The following MREG variants were observed in gnomAD, a reference collection of about 807,000 sequenced individuals.
MREG encodes melanoregulin.
A neutral mutation model predicts 28.5 loss-of-function variants in MREG; 31 were observed. That is an observed-to-expected ratio of 1.09 (90% CI 0.82 to 1.47). MREG has a LOEUF of 1.47. MREG is among the 40% of genes most tolerant of loss of function. The pLI, the probability that MREG is intolerant of heterozygous loss-of-function variation, is 0.00. For missense variants in MREG, 256 were observed against 257.4 expected (o/e 0.99, Z 0.04); for synonymous variants, 106 against 95.2 (o/e 1.11, Z -0.66).
chr2:215,945,635 A>T lies in MREG; in HGVS notation c.446T>A (p.Leu149Gln). 1 of 1,614,012 alleles carries T rather than the reference A, an allele frequency of 6.2e-7. No homozygotes were observed. Among genetic ancestry groups the T allele is most frequent in the Admixed American group, 1.7e-5 (1 of 60,026 alleles). ...TGGGAAAATATTGGTTTCTTCAGCC[A>T]GTTTTAACAACATCTCTCGAGCTTT... is the stretch of plus-strand genomic sequence containing the variant. ...TRKAREMLLKLAEETNIFPTS... is the reference protein window; with the variant it reads ...TRKAREMLLKQAEETNIFPTS... The change falls in exon 4 of 5, where the codon CTG becomes CAG. Residue 149 changes from leucine (L) to glutamine (Q), a missense_variant. Leu to Gln is a moderately radical substitution (Grantham distance 113). Transcript: ENST00000263268.
intron 1 of MREG, among the ~76,000 whole-genome samples, chr2:216,010,908 A>G (rs1694287835): frequency 6.6e-6 from 1 of 151,074 alleles, no homozygotes; most frequent in Non-Finnish European, 1.5e-5. Context: ...CATCCTGGAT[A>G]ACACGGTGAA....
At chr2:215,979,991 C>CA (rs779400316) in intron 2 of MREG, among the ~76,000 whole-genome samples, 8,859 of 129,226 alleles carry the variant, frequency 0.069, 564 homozygotes, top group African/African-American at 0.18. Flanking sequence ...AAAAAAAAAA[C>CA]AAAAAAAACT....
At chr2:216,009,892 T>C (rs959798172) in intron 1 of MREG, among the ~76,000 whole-genome samples, 1 of 152,152 alleles carries the variant, frequency 6.6e-6, no homozygotes, top group Non-Finnish European at 1.5e-5. Context: ...AAGAAAGCCA[T>C]GCTGCAAAAG....
chr2:216,025,630 T>TA (rs2105931809), intron 1 of MREG, among the ~76,000 whole-genome samples: 1 of 152,350 alleles, frequency 6.6e-6, no homozygotes, highest in East Asian at 1.9e-4. Context: ...CAATCAGTCT[T>TA]TGGATGAGGC....
intron 2 of MREG, among the ~76,000 whole-genome samples, chr2:215,984,517 CCAA>C (rs1559186979): frequency 2.1e-5 from 1 of 47,504 alleles, no homozygotes; most frequent in African/African-American, 9.6e-5. Context: ...GACCTTGTCA[CCAA>C]AAAAAAAAAA....
intron 1 of MREG, among the ~76,000 whole-genome samples, chr2:216,026,745 C>CA (rs1279791790): frequency 1.3e-5 from 2 of 152,070 alleles, no homozygotes; most frequent in East Asian, 1.9e-4. Flanking sequence ...CACTCAAACA[C>CA]AAAAAATCTC....
intron 1 of MREG, among the ~76,000 whole-genome samples, chr2:215,997,926 A>G (rs1398004651): frequency 2.6e-5 from 4 of 152,224 alleles, no homozygotes; most frequent in Non-Finnish European, 5.9e-5. Flanking sequence ...ATTGGGGTTC[A>G]GCAGCAGGAA....
intron 1 of MREG, among the ~76,000 whole-genome samples, chr2:215,998,807 T>A (rs1428441529): frequency 6.6e-6 from 1 of 152,270 alleles, no homozygotes; most frequent in Non-Finnish European, 1.5e-5. Flanking sequence ...AATAAATGCC[T>A]GCTGTATACT....
intron 2 of MREG, among the ~76,000 whole-genome samples, chr2:215,973,413 A>G (rs957569256): frequency 6.6e-6 from 1 of 152,228 alleles, no homozygotes; most frequent in African/African-American, 2.4e-5. Context: ...ATTTTTGCAG[A>G]CTGCCGAGGC....
chr2:216,010,718 C>T (rs1425586824), intron 1 of MREG, among the ~76,000 whole-genome samples: 2 of 151,832 alleles, frequency 1.3e-5, no homozygotes, highest in African/African-American at 4.8e-5. Flanking sequence ...CCACAGAAAA[C>T]CAGTGATTAC....
intron 2 of MREG, among the ~76,000 whole-genome samples, chr2:215,976,943 C>T (rs983408757): frequency 6.6e-6 from 1 of 152,170 alleles, no homozygotes. Flanking sequence ...TTGTAAAGAC[C>T]AAGGATGCTA....
At chr2:215,981,864 C>T (rs1234441870) in intron 2 of MREG, among the ~76,000 whole-genome samples, 1 of 152,120 alleles carries the variant, frequency 6.6e-6, no homozygotes, top group East Asian at 1.9e-4. Context: ...CAGAGGTATG[C>T]TTCTTATCCT....
intron 1 of MREG, among the ~76,000 whole-genome samples, chr2:216,028,746 G>T (rs1222268339): frequency 6.6e-6 from 1 of 151,896 alleles, no homozygotes; most frequent in Non-Finnish European, 1.5e-5. Context: ...TAGTGTTAAG[G>T]TAATGCATAT....
chr2:216,002,852 C>G (rs1694053060), intron 1 of MREG, among the ~76,000 whole-genome samples: 1 of 120,506 alleles, frequency 8.3e-6, no homozygotes, highest in Admixed American at 9.0e-5. Context: ...CTCTCTCTTC[C>G]TCCCCTTTCT....
intron 1 of MREG, among the ~76,000 whole-genome samples, chr2:216,028,189 A>AT (rs1372042969): frequency 6.6e-6 from 1 of 152,178 alleles, no homozygotes; most frequent in Non-Finnish European, 1.5e-5. Context: ...GTTGCAAACC[A>AT]TTGAAAGAGA....
At chr2:215,954,445 AACACACACAC>A (rs3078454) in intron 2 of MREG, among the ~76,000 whole-genome samples, 16 of 136,524 alleles carry the variant, frequency 1.2e-4, no homozygotes, top group South Asian at 2.4e-4. Flanking sequence ...ATCTGTGTAC[AACACACACAC>A]ACACACACAC....
intron 1 of MREG, among the ~76,000 whole-genome samples, chr2:216,019,115 T>C (rs1285765833): frequency 5.9e-5 from 9 of 152,220 alleles, no homozygotes; most frequent in African/African-American, 1.9e-4. Flanking sequence ...CGAAACAAGA[T>C]CTATTATTCT....
chr2:216,015,640 T>C (rs1377571416), upstream of MREG, among the ~76,000 whole-genome samples: 2 of 151,934 alleles, frequency 1.3e-5, no homozygotes, highest in African/African-American at 4.8e-5. Context: ...TCAAGGGAGA[T>C]GTATATGGAG....
chr2:215,970,355 G>A (rs1693055308), intron 2 of MREG, among the ~76,000 whole-genome samples: 1 of 152,170 alleles, frequency 6.6e-6, no homozygotes, highest in East Asian at 1.9e-4. Context: ...AGAACTGTGA[G>A]AGAACAAATT....
Sources: gnomAD v4.1 joint callset for allele counts (sites outside exome capture counted in the v4.1 genomes callset) on GRCh38, gnomAD v4.1.1 for gene constraint, MANE v1.5 for transcripts, NCBI Gene and HGNC (gene_info 2026-07-23, HGNC 2026-07-21) for gene names.